Variants in SMURF1 observed in about 807,000 individuals in gnomAD.
SMURF1 encodes E3 ubiquitin-protein ligase SMURF1.
SMURF1 carries 44 observed loss-of-function variants against 98.0 expected under a neutral mutation model. That is an observed-to-expected ratio of 0.45 (90% CI 0.35 to 0.58). The LOEUF is 0.58. Among genes scored for constraint, SMURF1 ranks in the 20% least tolerant of loss-of-function variants. SMURF1 has a pLI of 0.00. For missense variants in SMURF1, 687 were observed against 938.4 expected, an observed-to-expected ratio of 0.73 and a Z score of 3.50; for synonymous variants, 396 against 374.9, an observed-to-expected ratio of 1.06 and a Z score of -0.65.
intron 16 of SMURF1, among the ~76,000 whole-genome samples, chr7:99,035,205 C>T (rs555196380): frequency 6.6e-6 from 1 of 152,210 alleles, no homozygotes; most frequent in African/African-American, 2.4e-5. Context: ...CTTGGCTAAG[C>T]TGGCCTCACA....
intron 1 of SMURF1, among the ~76,000 whole-genome samples, chr7:99,098,770 C>A (rs185274238): frequency 2.0e-4 from 31 of 152,214 alleles, no homozygotes; most frequent in Non-Finnish European, 2.2e-4. Flanking sequence ...TCCATTCAGA[C>A]ACATGTTAGT....
At chr7:99,037,968 C>G (rs918180784) in intron 14 of SMURF1, among the ~76,000 whole-genome samples, 2 of 152,216 alleles carry the variant, frequency 1.3e-5, no homozygotes, top group African/African-American at 4.8e-5. Flanking sequence ...CCACATAGTT[C>G]TCAGCTGCAA....
In SMURF1 at chr7:99,050,907, T is replaced by C. The variant is rs781630111; in HGVS notation, c.806+450A>G. The C allele has an allele frequency of 2.2e-5, 32 of 1,427,890 alleles. No homozygotes were observed. The South Asian group carries it at 3.7e-4, about 17-fold the overall frequency. The allele number at this position is 1,427,890 out of a possible 1,614,324, so 88.5% of individuals were successfully genotyped here. A position where few individuals can be genotyped will look rare whatever the true frequency, so the allele number is the denominator to read the frequency against. Reference sequence around the variant, plus strand: ...TCTGTTATGGGGTGGGGGGGGGGTCTCTCTAACCTGGGCTCAGATGTATGG... The same window carrying C: ...TCTGTTATGGGGTGGGGGGGGGGTCCCTCTAACCTGGGCTCAGATGTATGG... On this transcript the variant is annotated intron_variant, in intron 8 of 17. Coordinates refer to ENST00000361368, the MANE Select transcript of SMURF1 (RefSeq NM_181349.3).
At position 99,063,239 on chromosome 7, in the gene SMURF1, A is replaced by ATTTT. The variant is rs1563012538; in HGVS notation, c.56-1403_56-1402insAAAA. Among the ~76,000 whole-genome samples, 31 of 10,360 alleles carry ATTTT rather than the reference A, an allele frequency of 3.0e-3. 1 individual carries two copies. Among genetic ancestry groups the ATTTT allele is most frequent in the African/African-American group, 4.8e-3 (30 of 6,240 alleles). The allele number at this position is 10,360 out of a possible 152,430, so 6.8% of individuals were successfully genotyped here. ...AGATATATATATATATATAAGATTT[A>ATTTT]TTTATATATATATATATATATATAT... is the stretch of plus-strand genomic sequence containing the variant. On this transcript the variant is annotated intron_variant, in intron 1 of 17. Transcript: ENST00000361368.
chr7:99,038,783 T>C (rs968323124), intron 13 of SMURF1, among the ~76,000 whole-genome samples: 2 of 152,054 alleles, frequency 1.3e-5, no homozygotes, highest in African/African-American at 2.4e-5. Context: ...CATCCTGTGA[T>C]TTCAGGGGAC....
intron 11 of SMURF1, among the ~76,000 whole-genome samples, chr7:99,044,075 G>A: frequency 6.6e-6 from 1 of 152,170 alleles, no homozygotes; most frequent in South Asian, 2.1e-4. Context: ...GGGGAGGGAA[G>A]CCAAGGCGGG....
chr7:99,080,090 C>T (rs919087216), intron 1 of SMURF1, among the ~76,000 whole-genome samples: 1 of 151,086 alleles, frequency 6.6e-6, no homozygotes, highest in African/African-American at 2.4e-5. Flanking sequence ...GAAAATAAAA[C>T]CACAAGGAAC....
At position 99,029,823 on chromosome 7, in the gene SMURF1, C is replaced by G. The variant is rs2150483661; in HGVS notation, c.*761G>C. Reference sequence around the variant, plus strand: ...TACACTCCATGACATGGTGTTTTCACTGAAAAAAAAGTCAAACTGGACAGA... The same window carrying G: ...TACACTCCATGACATGGTGTTTTCAGTGAAAAAAAAGTCAAACTGGACAGA... On this transcript the variant is annotated 3_prime_UTR_variant, in exon 18 of 18. Coordinates refer to ENST00000361368, the MANE Select transcript of SMURF1 (RefSeq NM_181349.3). 1 of 152,044 alleles carries G rather than the reference C, an allele frequency of 6.6e-6. No homozygotes were observed. The highest frequency in any genetic ancestry group is 2.1e-4 in the South Asian group (1 of 4,818). The allele number at this position is 152,044 out of a possible 1,614,324, so 9.4% of individuals were successfully genotyped here. A position where few individuals can be genotyped will look rare whatever the true frequency, so the allele number is the denominator to read the frequency against.
chr7:99,045,570 G>T, intron 11 of SMURF1, 128 bp downstream of exon 11: 3 of 715,814 alleles, frequency 4.2e-6, no homozygotes, highest in South Asian at 3.7e-5. Context: ...ATGATGGCCC[G>T]ACTGCTCCAA....
chr7:99,033,946 T>TG (rs1795020204), intron 16 of SMURF1, among the ~76,000 whole-genome samples: 1 of 152,268 alleles, frequency 6.6e-6, no homozygotes, highest in Non-Finnish European at 1.5e-5. Context: ...TGCTGCCCCT[T>TG]GCTCCTGTGT....
intron 1 of SMURF1, among the ~76,000 whole-genome samples, chr7:99,108,610 T>A (rs1797246140): frequency 7.7e-4 from 5 of 6,482 alleles, no homozygotes; most frequent in South Asian, 0.012. Flanking sequence ...AAACTCTGTC[T>A]CAAAAAAAAA....
chr7:99,061,145 T>C (rs770401631), intron 2 of SMURF1, among the ~76,000 whole-genome samples: 8 of 152,184 alleles, frequency 5.3e-5, no homozygotes, highest in Non-Finnish European at 8.8e-5. Flanking sequence ...AAGTGGACAG[T>C]TGTCAGAGAT....
chr7:99,115,475 C>A (rs565827516), intron 1 of SMURF1, among the ~76,000 whole-genome samples: 2 of 152,076 alleles, frequency 1.3e-5, no homozygotes, highest in East Asian at 3.9e-4. Context: ...CACCTGTAAT[C>A]CCAGCTACTT....
Position 99,030,507 on chromosome 7 carries a change from T to G in SMURF1, c.*77A>C. 1 of 1,223,586 alleles carries G rather than the reference T, an allele frequency of 8.2e-7. No individual in the cohort carries two copies. 75.8% of individuals were successfully genotyped at this position (1,223,586 alleles called of 1,614,324 possible). ...CTGGAATTCCAGGGCCTCTGCCAGC[T>G]TTGCAGGAGGTGCACAGAAGCTGGA... On this transcript the variant is annotated 3_prime_UTR_variant, in exon 18 of 18. Transcript: ENST00000361368.
chr7:99,087,385 AAAAC>A (rs1202225216), intron 1 of SMURF1, among the ~76,000 whole-genome samples: 2 of 152,154 alleles, frequency 1.3e-5, no homozygotes, highest in African/African-American at 4.8e-5. Flanking sequence ...ACCCTGTCTT[AAAAC>A]AAACAAAAAA....
chr7:99,113,862 AAAAG>A (rs1366560742), intron 1 of SMURF1, among the ~76,000 whole-genome samples: 2 of 150,592 alleles, frequency 1.3e-5, no homozygotes, highest in African/African-American at 2.4e-5. Context: ...AAAAAAAAAA[AAAAG>A]AACATTAGAC....
At chr7:99,065,005 G>A (rs1173649036) in intron 1 of SMURF1, among the ~76,000 whole-genome samples, 1 of 152,004 alleles carries the variant, frequency 6.6e-6, no homozygotes, top group Admixed American at 6.5e-5. Context: ...ATAAGTAAAT[G>A]AGGAAAATTT....
intron 1 of SMURF1, among the ~76,000 whole-genome samples, chr7:99,093,555 T>C (rs987242610): frequency 6.6e-5 from 10 of 151,818 alleles, no homozygotes; most frequent in Non-Finnish European, 1.0e-4. Context: ...CAGAGTCCTA[T>C]AGAAATGGCA....
chr7:99,031,185 A>G (rs770176944), intron 17 of SMURF1, among the ~76,000 whole-genome samples: 1 of 152,114 alleles, frequency 6.6e-6, no homozygotes, highest in Non-Finnish European at 1.5e-5. Flanking sequence ...ACCACTAACG[A>G]TGTACTGCGT....
Sources: allele counts gnomAD v4.1 joint callset (sites outside exome capture counted in the v4.1 genomes callset), GRCh38; gene constraint gnomAD v4.1.1; transcripts MANE v1.5; gene names NCBI Gene and HGNC (gene_info 2026-07-23, HGNC 2026-07-21).